Variants in PCA3 observed in about 807,000 individuals in gnomAD.
PCA3 encodes prostate cancer associated 3.
chr9:76,774,297 A>C (rs2053445663), intron 2 of PCA3, among the ~76,000 whole-genome samples: 2 of 151,516 alleles, frequency 1.3e-5, no homozygotes, highest in Admixed American at 6.6e-5. Flanking sequence ...CACCATGCCC[A>C]GTTAATTTTT....
chr9:76,774,602 G>A (rs367873187), intron 2 of PCA3, among the ~76,000 whole-genome samples: 48 of 151,912 alleles, frequency 3.2e-4, no homozygotes, highest in Admixed American at 1.1e-3. Context: ...GGGATTACAG[G>A]TGTATGTCAT....
At chr9:76,770,732 C>T (rs2130930511) in intron 2 of PCA3, among the ~76,000 whole-genome samples, 1 of 152,144 alleles carries the variant, frequency 6.6e-6, no homozygotes, top group South Asian at 2.1e-4. Flanking sequence ...TGTTTTTTAA[C>T]CAAGAGCAGC....
chr9:76,768,348 G>A lies in PCA3; in HGVS notation n.852+31733G>A, dbSNP rs143790104. ...GCTGGGATTACAGGCCTGCGCCACTGTGCCCAGTTAATTTTTGTATTTTTA... is the reference window on the plus strand; with the variant it reads ...GCTGGGATTACAGGCCTGCGCCACTATGCCCAGTTAATTTTTGTATTTTTA... On this transcript the variant is annotated intron_variant and non_coding_transcript_variant, in intron 2 of 5. Coordinates refer to ENST00000644657, the Ensembl canonical transcript of PCA3. Among the ~76,000 whole-genome samples the A allele has an allele frequency of 3.2e-3, 492 of 152,110 alleles. 5 individuals carry two copies. Among genetic ancestry groups the A allele is most frequent in the African/African-American group, 0.012 (483 of 41,492 alleles).
rs550400054 is a variant in PCA3 at position 76,780,878 on chromosome 9, C to T, written n.853-27705C>T. ...GATCTGCCCAGGACCACGCAGGCTA[C>T]GCTGCAACCTAGGGTGTGCCTGCAA... On this transcript the variant is annotated intron_variant and non_coding_transcript_variant, in intron 2 of 5. Coordinates refer to ENST00000644657, the Ensembl canonical transcript of PCA3. 8.5e-5 allele frequency among the ~76,000 whole-genome samples: 13 copies of T among 152,242 alleles called. No homozygotes were observed. In the East Asian group the frequency reaches 2.1e-3, roughly 25 times the overall value.
chr9:76,769,543 A>G (rs1034435796), intron 2 of PCA3, among the ~76,000 whole-genome samples: 1 of 152,142 alleles, frequency 6.6e-6, no homozygotes, highest in African/African-American at 2.4e-5. Flanking sequence ...CTCCTGCCTC[A>G]GCCTCCCAAG....
At chr9:76,765,889 T>C (rs945417288) in intron 2 of PCA3, among the ~76,000 whole-genome samples, 1 of 152,092 alleles carries the variant, frequency 6.6e-6, no homozygotes, top group Non-Finnish European at 1.5e-5. Context: ...CCTTTAGAAA[T>C]ATCTCGTTAG....
At chr9:76,779,135 G>A (rs531821537) in intron 2 of PCA3, among the ~76,000 whole-genome samples, 12 of 151,922 alleles carry the variant, frequency 7.9e-5, no homozygotes, top group Admixed American at 5.2e-4. Context: ...CAATGTAGAC[G>A]CAAATTTTCT....
intron 2 of PCA3, among the ~76,000 whole-genome samples, chr9:76,772,448 G>A (rs1036774463): frequency 6.6e-6 from 1 of 152,154 alleles, no homozygotes; most frequent in African/African-American, 2.4e-5. Flanking sequence ...TCTGGGAACT[G>A]TCTGTCTCCA....
chr9:76,783,403 C>CT (rs2054634938), intron 2 of PCA3, among the ~76,000 whole-genome samples: 1 of 152,174 alleles, frequency 6.6e-6, no homozygotes, highest in Non-Finnish European at 1.5e-5. Flanking sequence ...TCCCAAAGTG[C>CT]TGGGATTACA....
intron 2 of PCA3, among the ~76,000 whole-genome samples, chr9:76,776,573 T>TG (rs36043528): frequency 0.53 from 75,630 of 143,440 alleles, 21,683 homozygotes; most frequent in African/African-American, 0.75. Context: ...TGGAGTGCAG[T>TG]GCACAATCTC....
intron 2 of PCA3, among the ~76,000 whole-genome samples, chr9:76,765,901 G>A (rs1205302204): frequency 6.6e-6 from 1 of 152,150 alleles, no homozygotes; most frequent in Non-Finnish European, 1.5e-5. Context: ...TCTCGTTAGA[G>A]GCCAGACGCG....
chr9:76,773,520 T>C (rs1385693719), intron 2 of PCA3, among the ~76,000 whole-genome samples: 2 of 150,662 alleles, frequency 1.3e-5, no homozygotes, highest in Non-Finnish European at 2.9e-5. Flanking sequence ...CTTGGCTCAC[T>C]GTAACCTCCA....
At chr9:76,786,117 A>C (rs998106282) in intron 2 of PCA3, 7 of 152,306 alleles carry the variant, frequency 4.6e-5, no homozygotes, top group Middle Eastern at 3.4e-3. Context: ...TTCTCAGCAG[A>C]AGCCAGAATT....
intron 2 of PCA3, among the ~76,000 whole-genome samples, chr9:76,773,438 C>CTTTT (rs35078779): frequency 1.9e-5 from 2 of 107,580 alleles, no homozygotes; most frequent in African/African-American, 3.6e-5. Context: ...ACTAGTACAT[C>CTTTT]TTTTTTTTTT....
At chr9:76,787,496 G>C (rs1441568846) in intron 2 of PCA3, 1 of 152,030 alleles carries the variant, frequency 6.6e-6, no homozygotes, top group Admixed American at 6.6e-5. Flanking sequence ...TATGGCACAC[G>C]TATACCTGTG....
chr9:76,785,028 G>C (rs2054827922), intron 2 of PCA3: 1 of 151,916 alleles, frequency 6.6e-6, no homozygotes, highest in Non-Finnish European at 1.5e-5. Context: ...CCCTTTGTTT[G>C]ATTTTTTTTC....
At chr9:76,779,339 G>A (rs931513004) in intron 2 of PCA3, among the ~76,000 whole-genome samples, 2 of 151,248 alleles carry the variant, frequency 1.3e-5, no homozygotes, top group African/African-American at 4.9e-5. Flanking sequence ...AAGGCTCTTT[G>A]TGGGGAAGGA....
intron 2 of PCA3, chr9:76,783,872 A>C (rs1326225920): frequency 6.6e-6 from 1 of 152,228 alleles, no homozygotes; most frequent in Non-Finnish European, 1.5e-5. Flanking sequence ...CAGGAAGCAC[A>C]AAAGGAAGCA....
chr9:76,776,707 G>A (rs1169536338), intron 2 of PCA3, among the ~76,000 whole-genome samples: 1 of 150,878 alleles, frequency 6.6e-6, no homozygotes, highest in East Asian at 1.9e-4. Flanking sequence ...TAGAGATGGG[G>A]TTTCACCATG....
Sources: allele counts gnomAD v4.1 joint callset (sites outside exome capture counted in the v4.1 genomes callset), GRCh38; gene constraint gnomAD v4.1.1; transcripts MANE v1.5; gene names NCBI Gene and HGNC (gene_info 2026-07-23, HGNC 2026-07-21).